The following HUWE1 variants were observed in gnomAD, a reference collection of about 807,000 sequenced individuals.
HUWE1 encodes HECT, UBA and WWE domain containing E3 ubiquitin protein ligase 1.
HUWE1 carries 18 observed loss-of-function variants against 299.4 expected under a neutral mutation model. The observed-to-expected ratio is 0.06, with a 90% confidence interval of 0.04 to 0.09. HUWE1 has a LOEUF of 0.09. Ranked by LOEUF, HUWE1 falls within the 10% of genes least tolerant of loss-of-function variation. HUWE1 has a pLI of 1.00. For synonymous variants in HUWE1, 1,317 were observed against 1,286.1 expected (o/e 1.02, Z -0.51); for missense variants, 1,832 against 3,462.3 (o/e 0.53, Z 11.82).
chrX:53,537,532 T>C lies in HUWE1; in HGVS notation c.12137+24A>G, dbSNP rs782478825. 3 of 1,206,016 alleles carry C rather than the reference T, an allele frequency of 2.5e-6. No homozygotes were observed. The African/African-American group carries it at 5.3e-5, about 21-fold the overall frequency. On this transcript the variant is annotated intron_variant, in intron 78 of 83. Coordinates refer to ENST00000262854, the MANE Select transcript of HUWE1 (RefSeq NM_031407.7). ...GAGGCCCCACCTCCCACCCGCCATC[T>C]TTTCTCCGTTCCTGGGCCCTTACAA...
chrX:53,679,732 T>C (rs1257325943), intron 3 of HUWE1, among the ~76,000 whole-genome samples: 2 of 112,774 alleles, frequency 1.8e-5, no homozygotes, highest in African/African-American at 6.4e-5. Flanking sequence ...ATTATTATAC[T>C]ATTCAATGTT....
intron 12 of HUWE1, among the ~76,000 whole-genome samples, chrX:53,630,354 T>C (rs184967028): frequency 6.3e-5 from 7 of 111,974 alleles, no homozygotes; most frequent in African/African-American, 1.9e-4. Context: ...CTGTGCTAGA[T>C]TGCTTTCTAG....
chrX:53,672,956 C>A (rs2069632046), intron 3 of HUWE1, among the ~76,000 whole-genome samples: 1 of 111,498 alleles, frequency 9.0e-6, no homozygotes, highest in East Asian at 2.8e-4. Context: ...CAACAATAAG[C>A]CATGTATAAT....
At position 53,532,745 on chromosome X, in the gene HUWE1, TTTTG is replaced by T. The variant is rs1397931491; in HGVS notation, c.*560_*563del. The stretch of plus-strand genomic sequence containing the variant: ...GATGCCTAGCATGTGCTTAAGAGTT[TTTTG>T]TTTTTTTTTTTAAGTTTGAAAAAAA... On this transcript the variant is annotated 3_prime_UTR_variant, in exon 84 of 84. Coordinates refer to ENST00000262854, the MANE Select transcript of HUWE1 (RefSeq NM_031407.7). 1 of 109,086 alleles carries T rather than the reference TTTTG, an allele frequency of 9.2e-6. No individual in the cohort carries two copies. The highest frequency in any genetic ancestry group is 3.9e-4 in the South Asian group (1 of 2,580). 9.0% of individuals were successfully genotyped at this position (109,086 alleles called of 1,213,427 possible).
At chrX:53,591,795 T>C (rs929427478) in intron 33 of HUWE1, among the ~76,000 whole-genome samples, 2 of 112,034 alleles carry the variant, frequency 1.8e-5, no homozygotes, top group Non-Finnish European at 3.8e-5. Flanking sequence ...AATTTGGTAA[T>C]GAGAGTATTT....
chrX:53,549,043 G>A lies in HUWE1; in HGVS notation c.9951C>T (p.Ser3317=), dbSNP rs1183224066. 1.2e-5 allele frequency: 14 copies of A among 1,208,352 alleles called. No homozygotes were observed. Among genetic ancestry groups the A allele is most frequent in the African/African-American group, 3.5e-5 (2 of 56,968 alleles). The change falls in exon 67 of 84, where the codon AGC becomes AGT. Residue 3317 remains serine (S), a synonymous_variant. Transcript: ENST00000262854. ...GATGGATGTGGACGGTGGAGCCACC[G>A]CTTGCATGCTTCTCGGTATGTTTAC... ...GGRKHTEKHA[S]GGSTVHIHPQ...
At chrX:53,662,671 C>T (rs1021284813) in intron 3 of HUWE1, among the ~76,000 whole-genome samples, 1 of 112,230 alleles carries the variant, frequency 8.9e-6, no homozygotes, top group African/African-American at 3.2e-5. Context: ...TCAGGAAAGA[C>T]GTATGCATTA....
intron 43 of HUWE1, among the ~76,000 whole-genome samples, chrX:53,577,690 C>T (rs1232844434): frequency 3.9e-5 from 4 of 102,885 alleles, no homozygotes; most frequent in African/African-American, 1.3e-4. Flanking sequence ...GACTGGTTTT[C>T]GTTTTTTTTT....
Position 53,641,941 on chromosome X carries a change from T to C in HUWE1, c.504+3370A>G, listed in dbSNP as rs2067617065. Among the ~76,000 whole-genome samples, 3 of 111,347 alleles carry C rather than the reference T, an allele frequency of 2.7e-5. No homozygotes were observed. The Admixed American group carries it at 2.9e-4, about 11-fold the overall frequency. On this transcript the variant is annotated intron_variant, in intron 7 of 83. Coordinates refer to ENST00000262854, the MANE Select transcript of HUWE1 (RefSeq NM_031407.7). ...GGTAAGATTTATTTTCCCTTATCCA[T>C]AGGGATACATTCCAAGACCCCTAGT...
At chrX:53,582,123 C>T (rs782150718) in intron 42 of HUWE1, among the ~76,000 whole-genome samples, 1 of 112,220 alleles carries the variant, frequency 8.9e-6, no homozygotes, top group African/African-American at 3.2e-5. Context: ...ACTGATGTTC[C>T]TTTGTTTCCC....
chrX:53,608,991 AT>A lies in HUWE1; in HGVS notation c.2262-83del, dbSNP rs1470156811. The A allele has an allele frequency of 2.0e-4, 116 of 594,496 alleles. 1 individual carries two copies. Among genetic ancestry groups the A allele is most frequent in the Non-Finnish European group, 3.3e-4 (113 of 339,157 alleles). 49.0% of individuals were successfully genotyped at this position (594,496 alleles called of 1,213,427 possible). A position where few individuals can be genotyped will look rare whatever the true frequency, so the allele number is the denominator to read the frequency against. ...AACAGAGGAGGAGGCACTGTATAAA[AT>A]TCTAGGCCTTTTTCTATTTATTTAT... On this transcript the variant is annotated intron_variant, in intron 23 of 83. Coordinates refer to ENST00000262854, the MANE Select transcript of HUWE1 (RefSeq NM_031407.7).
chrX:53,633,614 G>T (rs1371733196), intron 8 of HUWE1, among the ~76,000 whole-genome samples: 1 of 112,557 alleles, frequency 8.9e-6, no homozygotes, highest in African/African-American at 3.2e-5. Flanking sequence ...AGCCATTTGT[G>T]CTAAACACGA....
intron 7 of HUWE1, among the ~76,000 whole-genome samples, chrX:53,637,688 G>A (rs1047078394): frequency 2.7e-5 from 3 of 112,275 alleles, no homozygotes; most frequent in Non-Finnish European, 5.6e-5. Flanking sequence ...CGTGACTCAC[G>A]AAAGTCTGTG....
chrX:53,658,485 T>C (rs1002402130), intron 3 of HUWE1, among the ~76,000 whole-genome samples: 1 of 111,391 alleles, frequency 9.0e-6, no homozygotes, highest in Non-Finnish European at 1.9e-5. Context: ...CAACAGTAAG[T>C]AAGAGTACTG....
chrX:53,581,018 G>C lies in HUWE1; in HGVS notation c.5529C>G (p.Arg1843=). The change falls in exon 43 of 84, where the codon CGC becomes CGG. Residue 1843 remains arginine, a synonymous_variant. Transcript: ENST00000262854. ...TACCAGCTCCACTTGTAGCTGCTGA[G>C]CGAACAACCTAGTAAAGAGAGAAAG... is the stretch of plus-strand genomic sequence containing the variant. ...TLRHTMEKVV[R]SAATSGAGST... is the part of the protein sequence containing the mutation. The C allele has an allele frequency of 8.3e-7, 1 of 1,201,083 alleles. No homozygotes were observed. Among genetic ancestry groups the C allele is most frequent in the Non-Finnish European group, 1.1e-6 (1 of 888,165 alleles).
At chrX:53,597,494 C>A (rs1213704221) in intron 29 of HUWE1, among the ~76,000 whole-genome samples, 16 of 88,496 alleles carry the variant, frequency 1.8e-4, no homozygotes, top group Admixed American at 1.6e-3. Flanking sequence ...AACTTCCGAG[C>A]CTTGAAGGAG....
At chrX:53,679,717 G>A (rs2070029799) in intron 3 of HUWE1, among the ~76,000 whole-genome samples, 2 of 112,306 alleles carry the variant, frequency 1.8e-5, no homozygotes, top group African/African-American at 6.5e-5. Context: ...TGGGTAAGTG[G>A]GGGGATTATT....
At chrX:53,577,151 T>G (rs1333036911) in intron 43 of HUWE1, 84 bp from the exon 44 acceptor site, 1 of 707,369 alleles carries the variant, frequency 1.4e-6, no homozygotes, top group Non-Finnish European at 2.3e-6. Context: ...GAAGGGGGCA[T>G]GTATGATATA....
At chrX:53,662,273 T>G (rs1245178978) in intron 3 of HUWE1, among the ~76,000 whole-genome samples, 1 of 111,953 alleles carries the variant, frequency 8.9e-6, no homozygotes, top group Non-Finnish European at 1.9e-5. Flanking sequence ...GAATCCCTGC[T>G]ATATCACTTA....
Sources: gnomAD v4.1 joint callset for allele counts (sites outside exome capture counted in the v4.1 genomes callset) on GRCh38, gnomAD v4.1.1 for gene constraint, MANE v1.5 for transcripts, NCBI Gene and HGNC (gene_info 2026-07-23, HGNC 2026-07-21) for gene names.